PCDHGB5: variants seen among roughly 807,000 people sequenced by gnomAD.
PCDHGB5 encodes protocadherin gamma-B5.
PCDHGB5 carries 48 observed loss-of-function variants against 62.9 expected under a neutral mutation model. That is an observed-to-expected ratio of 0.76 (90% CI 0.61 to 0.97). The LOEUF (loss-of-function observed/expected upper bound fraction) is 0.97. PCDHGB5 is among the 50% of genes least tolerant of loss of function. The probability of loss-of-function intolerance (pLI) is 0.00; values close to 1 mark genes in which losing one functional copy is unlikely to be tolerated. For missense variants in PCDHGB5, 1,118 were observed against 1,198.6 expected, an observed-to-expected ratio of 0.93 and a Z score of 0.99; for synonymous variants, 474 against 511.2, an observed-to-expected ratio of 0.93 and a Z score of 0.98.
Position 141,510,938 on chromosome 5 carries a change from T to A in PCDHGB5, c.2546-9T>A. 1 of 1,614,026 alleles carries A rather than the reference T, an allele frequency of 6.2e-7. No homozygotes were observed. Among genetic ancestry groups the A allele is most frequent in the Non-Finnish European group, 8.5e-7 (1 of 1,179,984 alleles). ...TTAGCTCCCACCTGATCTTCCTCTG[T>A]CTCTGCAGAAGCTGCTGATGGGAGC... On this transcript the variant is annotated splice_polypyrimidine_tract_variant and intron_variant, in intron 3 of 3. Coordinates refer to ENST00000617380, the MANE Select transcript of PCDHGB5 (RefSeq NM_018925.3).
At chr5:141,406,940 A>C (rs2094868445) in intron 1 of PCDHGB5, among the ~76,000 whole-genome samples, 1 of 152,212 alleles carries the variant, frequency 6.6e-6, no homozygotes, top group African/African-American at 2.4e-5. Context: ...ATTTAATGTT[A>C]TTTTAAACAT....
intron 2 of PCDHGB5, among the ~76,000 whole-genome samples, chr5:141,498,604 C>G (rs1445417630): frequency 6.6e-6 from 1 of 152,122 alleles, no homozygotes; most frequent in East Asian, 1.9e-4. Flanking sequence ...GGTTCAAGTT[C>G]AAGTCAGCAC....
At chr5:141,423,874 A>T (rs1264795133) in intron 1 of PCDHGB5, 2 of 1,283,268 alleles carry the variant, frequency 1.6e-6, no homozygotes, top group African/African-American at 3.1e-5. Flanking sequence ...GTCATTTTTC[A>T]ATCTTGGCAT....
Position 141,486,098 on chromosome 5 carries a change from G to A in PCDHGB5, c.2398-8709G>A, listed in dbSNP as rs1211678224. ...AAAGCTTACTCTTTTGGGGCCCCTA[G>A]ACTTTGAGAGTGAGAATTACTATGA... On this transcript the variant is annotated intron_variant, in intron 1 of 3. Transcript: ENST00000617380. This position sits in a 1 kb window ranked among gnomAD's most constrained non-coding sequence, Gnocchi z 5.0. 5.0e-6 allele frequency: 8 copies of A among 1,614,032 alleles called. No homozygotes were observed. Among genetic ancestry groups the A allele is most frequent in the Admixed American group, 3.3e-5 (2 of 59,994 alleles).
chr5:141,414,657 C>T (rs1313928067), intron 1 of PCDHGB5: 1 of 1,614,004 alleles, frequency 6.2e-7, no homozygotes, highest in Admixed American at 1.7e-5. Context: ...TTATTTACTC[C>T]CTGGCTGAAG....
intron 1 of PCDHGB5, among the ~76,000 whole-genome samples, chr5:141,455,776 A>G (rs1386162201): frequency 6.6e-6 from 1 of 152,186 alleles, no homozygotes. Context: ...GGGCTTTAAA[A>G]GAAACTTTTC....
rs1215626157 is a variant in PCDHGB5, at chr5:141,487,804, GT to G, written c.2398-7000del. ...TCGTGAATTAACCAGAGTTGTCACAGTTTAGCATTGGGGGCGGGTCATGCCT... is the reference window on the plus strand; with the variant it reads ...TCGTGAATTAACCAGAGTTGTCACAGTTAGCATTGGGGGCGGGTCATGCCT... On this transcript the variant is annotated intron_variant, in intron 1 of 3. Transcript: ENST00000617380. The surrounding 1 kb of genome is among the most constrained non-coding windows in gnomAD (Gnocchi z 5.0). 15 of 1,451,846 alleles carry G rather than the reference GT, an allele frequency of 1.0e-5. No homozygotes were observed. The highest frequency in any genetic ancestry group is 1.3e-5 in the Non-Finnish European group (14 of 1,072,382). 89.9% of individuals were successfully genotyped at this position (1,451,846 alleles called of 1,614,324 possible).
rs749415234 is a variant in PCDHGB5, at chr5:141,419,462, C to A, written c.2397+18938C>A. On this transcript the variant is annotated intron_variant, in intron 1 of 3. Transcript: ENST00000617380. Reference sequence around the variant, plus strand: ...CACCTTCGAGCTCACGCTGCAGGCCCGCGACCAGGGCTCGCCCGCGCTCAG... The same window carrying A: ...CACCTTCGAGCTCACGCTGCAGGCCAGCGACCAGGGCTCGCCCGCGCTCAG... 2.5e-6 allele frequency: 4 copies of A among 1,612,582 alleles called. No homozygotes were observed. In the Admixed American group the frequency reaches 6.7e-5, roughly 27 times the overall value.
chr5:141,431,868 A>G lies in PCDHGB5; in HGVS notation c.2397+31344A>G, dbSNP rs755283039. On this transcript the variant is annotated intron_variant, in intron 1 of 3. Coordinates refer to ENST00000617380, the MANE Select transcript of PCDHGB5 (RefSeq NM_018925.3). This position sits in a 1 kb window ranked among gnomAD's most constrained non-coding sequence, Gnocchi z 4.8. ...AGAGGGACATTAATTGCCCTTTTAAATGTAAATGACCAAGATTCTGAGGAA... is the reference window on the plus strand; with the variant it reads ...AGAGGGACATTAATTGCCCTTTTAAGTGTAAATGACCAAGATTCTGAGGAA... 4.3e-6 allele frequency: 7 copies of G among 1,614,102 alleles called. No individual in the cohort carries two copies. In the South Asian group the frequency reaches 6.6e-5, roughly 15 times the overall value.
At chr5:141,443,481 G>C (rs1025329476) in intron 1 of PCDHGB5, among the ~76,000 whole-genome samples, 3 of 152,114 alleles carry the variant, frequency 2.0e-5, no homozygotes, top group African/African-American at 7.2e-5. Context: ...ATTAGACCCT[G>C]TCCCAAAACA....
chr5:141,415,654 A>ATTGGT, intron 1 of PCDHGB5: 1 of 1,573,242 alleles, frequency 6.4e-7, no homozygotes, highest in Non-Finnish European at 8.6e-7. Flanking sequence ...AAAAAAAAAG[A>ATTGGT]TTGGTTTTTA....
rs2099884413 is a variant in PCDHGB5, at chr5:141,512,781, G to A, written c.*1608G>A. ...CCTTGATCTGCCCGCGGCGGCCCGT[G>A]TTGTGTTTTGTGCTGTGTCCACGCG... is the stretch of plus-strand genomic sequence containing the variant. On this transcript the variant is annotated 3_prime_UTR_variant, in exon 4 of 4. Transcript: ENST00000617380. 1 of 152,534 alleles carries A rather than the reference G, an allele frequency of 6.6e-6. No individual in the cohort carries two copies. Among genetic ancestry groups the A allele is most frequent in the African/African-American group, 2.4e-5 (1 of 41,444 alleles). 9.4% of individuals were successfully genotyped at this position (152,534 alleles called of 1,614,324 possible). A position where few individuals can be genotyped will look rare whatever the true frequency, so the allele number is the denominator to read the frequency against.
chr5:141,448,894 G>A (rs2098614669), intron 1 of PCDHGB5, among the ~76,000 whole-genome samples: 2 of 152,098 alleles, frequency 1.3e-5, no homozygotes, highest in South Asian at 4.1e-4. Context: ...GCAGTGAGCC[G>A]AGATCGTGCC....
At chr5:141,473,343 T>G (rs1309426537) in intron 1 of PCDHGB5, among the ~76,000 whole-genome samples, 1 of 152,218 alleles carries the variant, frequency 6.6e-6, no homozygotes, top group African/African-American at 2.4e-5. Context: ...TGCTAGACAG[T>G]GAGGATGCAA....
chr5:141,422,052 CG>C (rs1282698929), intron 1 of PCDHGB5: 1 of 1,611,298 alleles, frequency 6.2e-7, no homozygotes, highest in South Asian at 1.1e-5. Context: ...AGGGAATCAA[CG>C]GGGAAGTAAT....
At chr5:141,505,261 T>C in intron 2 of PCDHGB5, 132 bp from the exon 3 acceptor site, 1 of 1,505,282 alleles carries the variant, frequency 6.6e-7, no homozygotes. Context: ...GCCTCCTACC[T>C]TGCTGAGAGA....
intron 2 of PCDHGB5, among the ~76,000 whole-genome samples, chr5:141,501,331 ACACC>A (rs747366952): frequency 1.4e-5 from 2 of 138,844 alleles, no homozygotes; most frequent in Non-Finnish European, 3.2e-5. Context: ...ACACACACAC[ACACC>A]CCAAACTCAA....
Position 141,486,885 on chromosome 5 carries a change from G to A in PCDHGB5, c.2398-7922G>A, listed in dbSNP as rs139638334. On this transcript the variant is annotated intron_variant, in intron 1 of 3. Transcript: ENST00000617380. The surrounding 1 kb of genome is among the most constrained non-coding windows in gnomAD (Gnocchi z 5.0). ...CCAGCTGTGCTCCGTCCTCGGGCCC[G>A]GCCTGGTTCCTTATGTCCCCAAGCA... is the stretch of plus-strand genomic sequence containing the variant. 16 of 1,614,076 alleles carry A rather than the reference G, an allele frequency of 9.9e-6. No individual in the cohort carries two copies. The highest frequency in any genetic ancestry group is 1.6e-4 in the Middle Eastern group (1 of 6,084).
chr5:141,427,454 T>C (rs62379160), intron 1 of PCDHGB5: 18,356 of 489,902 alleles, frequency 0.037, 441 homozygotes, highest in Middle Eastern at 0.11. Context: ...GAGTTCCTTT[T>C]AGAATCGAAT....
Sources: gnomAD v4.1 joint callset for allele counts (sites outside exome capture counted in the v4.1 genomes callset) on GRCh38, gnomAD v4.1.1 for gene constraint, Gnocchi (gnomAD v3.1) non-coding constraint, MANE v1.5 for transcripts, NCBI Gene and HGNC (gene_info 2026-07-23, HGNC 2026-07-21) for gene names.